The following FAM200B variants were observed in gnomAD, a reference collection of about 807,000 sequenced individuals.
The protein encoded by FAM200B is protein FAM200B.
A neutral mutation model predicts 33.1 loss-of-function variants in FAM200B; 32 were observed. The ratio of observed to expected loss-of-function variants is 0.97; its 90% CI spans 0.73 to 1.30. The LOEUF is 1.30. Ranked by LOEUF, FAM200B falls within the 50% of genes most tolerant of loss-of-function variation. FAM200B has a pLI of 0.00. For missense variants in FAM200B, 741 were observed against 754.0 expected, an observed-to-expected ratio of 0.98 and a Z score of 0.20; for synonymous variants, 240 against 264.8, an observed-to-expected ratio of 0.91 and a Z score of 0.91.
chr4:15,679,565 A>C (rs71601489), upstream of FAM200B, among the ~76,000 whole-genome samples: 51 of 115,016 alleles, frequency 4.4e-4, no homozygotes, highest in African/African-American at 9.1e-4. Context: ...TCAGGAACAA[A>C]AAAAAAAAAA....
At chr4:15,644,175 T>C in the FAM200B span, among the ~76,000 whole-genome samples, 2 of 152,246 alleles carry the variant, frequency 1.3e-5, no homozygotes, top group Admixed American at 6.5e-5. Context: ...AAGAATTTTA[T>C]AGTTAGTCTA....
At chr4:15,678,494 G>C (rs1013230320), upstream of FAM200B, among the ~76,000 whole-genome samples, 1 of 152,066 alleles carries the variant, frequency 6.6e-6, no homozygotes, top group African/African-American at 2.4e-5. Flanking sequence ...TCATGCAAAC[G>C]AAGAAAAGCT....
upstream of FAM200B, among the ~76,000 whole-genome samples, chr4:15,677,022 G>A (rs368223935): frequency 7.2e-4 from 109 of 152,212 alleles, no homozygotes; most frequent in South Asian, 0.014. Flanking sequence ...CTACAACTCC[G>A]TTTATATTAA....
the FAM200B span, among the ~76,000 whole-genome samples, chr4:15,667,896 C>T: frequency 6.6e-6 from 1 of 151,956 alleles, no homozygotes; most frequent in African/African-American, 2.4e-5. Flanking sequence ...ACAAAATTAG[C>T]CAGGCGTGGT....
the FAM200B span, among the ~76,000 whole-genome samples, chr4:15,670,914 CTTTTTTTTTTTTTTTTT>C: frequency 6.3e-4 from 34 of 54,144 alleles, no homozygotes; most frequent in Non-Finnish European, 8.5e-4. Flanking sequence ...TGTGCGTAGA[CTTTTTTTTTTTTTTTTT>C]TTTTTTTTTT....
In FAM200B at chr4:15,686,981, G is replaced by T; in HGVS notation, c.4G>T (p.Asp2Tyr). 7.3e-7 allele frequency: 1 copy of T among 1,366,748 alleles called. No individual in the cohort carries two copies. 84.7% of individuals were successfully genotyped at this position (1,366,748 alleles called of 1,614,324 possible). A position where few individuals can be genotyped will look rare whatever the true frequency, so the allele number is the denominator to read the frequency against. ...ACTGGAACAAATTGCTATTAAAATG[G>T]ATCATTTCTTTATTAAAAGAAAGAG... The part of the protein sequence containing the change: M[D>Y]HFFIKRKRNS... Residue 2 changes from aspartate to tyrosine, a missense_variant, in exon 2 of 2, where the codon GAT (aspartate) becomes TAT (tyrosine). Asp to Tyr is a radical substitution (Grantham distance 160, BLOSUM62 -3). Transcript: ENST00000422728.
chr4:15,665,821 C>T, the FAM200B span, among the ~76,000 whole-genome samples: 1 of 152,076 alleles, frequency 6.6e-6, no homozygotes, highest in Non-Finnish European at 1.5e-5. Flanking sequence ...TCAACTGAGA[C>T]AGATTTGGCT....
intron 1 of FAM200B, among the ~76,000 whole-genome samples, chr4:15,683,003 G>T (rs111623988): frequency 0.017 from 2,564 of 152,230 alleles, 74 homozygotes; most frequent in African/African-American, 0.058. Flanking sequence ...TGCTTTTCCA[G>T]TTATGAGGAA....
intron 1 of FAM200B, among the ~76,000 whole-genome samples, chr4:15,685,660 A>C (rs1359908860): frequency 6.6e-6 from 1 of 152,202 alleles, no homozygotes; most frequent in Non-Finnish European, 1.5e-5. Context: ...TTAACAATAC[A>C]AAAATAAGAA....
the FAM200B span, among the ~76,000 whole-genome samples, chr4:15,674,470 G>T: frequency 7.9e-5 from 12 of 151,970 alleles, no homozygotes; most frequent in Middle Eastern, 3.4e-3. Flanking sequence ...TTATTATATT[G>T]TATTTATTTG....
rs750332593 is a variant in FAM200B at position 15,687,032 on chromosome 4, G to C, written c.55G>C (p.Ala19Pro). The C allele has an allele frequency of 1.7e-5, 25 of 1,514,790 alleles. No individual in the cohort carries two copies. The African/African-American group carries it at 3.3e-4, about 20-fold the overall frequency. 93.8% of individuals were successfully genotyped at this position (1,514,790 alleles called of 1,614,324 possible). The change falls in exon 2 of 2, where the codon GCA becomes CCA. Residue 19 changes from alanine (A) to proline (P), a missense_variant. Coordinates refer to ENST00000422728, the MANE Select transcript of FAM200B (RefSeq NM_001145191.2). ...GAATAGTGAAGTGAAATATACAGAA[G>C]CATGTTCAAGTTCATCTGTTGAATC... ...KRNSEVKYTE[A>P]CSSSSVESGI...
At chr4:15,666,963 T>C in the FAM200B span, among the ~76,000 whole-genome samples, 5 of 152,148 alleles carry the variant, frequency 3.3e-5, no homozygotes, top group African/African-American at 1.2e-4. Context: ...AAACATCACA[T>C]TGTATCTCAT....
At chr4:15,661,591 A>T in the FAM200B span, among the ~76,000 whole-genome samples, 1 of 152,228 alleles carries the variant, frequency 6.6e-6, no homozygotes, top group Non-Finnish European at 1.5e-5. Context: ...GTTGTAAGTG[A>T]CAGAAAATAG....
Position 15,688,188 on chromosome 4 carries a change from A to G in FAM200B, c.1211A>G (p.Glu404Gly). The change falls in exon 2 of 2, where the codon GAG becomes GGG. Residue 404 changes from glutamate to glycine, a missense_variant. Coordinates refer to ENST00000422728, the MANE Select transcript of FAM200B (RefSeq NM_001145191.2). ...AGCAGGGTTTATGAGCTCAGGAATG[A>G]GATTCACTTTTTTCTCATTGAAAAA... The part of the protein sequence containing the change: ...ILSRVYELRN[E>G]IHFFLIEKKS... The G allele has an allele frequency of 6.4e-7, 1 of 1,551,130 alleles. No homozygotes were observed. The highest frequency in any genetic ancestry group is 8.7e-7 in the Non-Finnish European group (1 of 1,146,692).
Position 15,688,262 on chromosome 4 carries a change from T to A in FAM200B, c.1285T>A (p.Leu429Met). 1.3e-6 allele frequency: 2 copies of A among 1,548,964 alleles called. No homozygotes were observed. Among genetic ancestry groups the A allele is most frequent in the African/African-American group, 1.4e-5 (1 of 73,124 alleles). Reference sequence around the variant, plus strand: ...TGAAGATGATACTTGGGTAACAAAATTGGCATATTTAACTGATATTTTTAG... The same window carrying A: ...TGAAGATGATACTTGGGTAACAAAAATGGCATATTTAACTGATATTTTTAG... ...IFEDDTWVTK[L>M]AYLTDIFSIL... The change falls in exon 2 of 2, where the codon TTG (leucine) becomes ATG (methionine). Residue 429 changes from leucine to methionine, a missense_variant. By Grantham distance (15) the Leu-to-Met change is conservative (BLOSUM62 2). Coordinates refer to ENST00000422728, the MANE Select transcript of FAM200B (RefSeq NM_001145191.2).
chr4:15,664,100 GCTT>G, the FAM200B span, among the ~76,000 whole-genome samples: 1 of 152,174 alleles, frequency 6.6e-6, no homozygotes, highest in Non-Finnish European at 1.5e-5. Flanking sequence ...TGGCTTCAGA[GCTT>G]CTATCTTTTT....
At chr4:15,677,295 G>A (rs1718029820), upstream of FAM200B, among the ~76,000 whole-genome samples, 1 of 152,046 alleles carries the variant, frequency 6.6e-6, no homozygotes, top group African/African-American at 2.4e-5. Context: ...TTTGTCCTTG[G>A]TTCCTGGAAG....
chr4:15,679,563 A>AAC (rs201799158), upstream of FAM200B, among the ~76,000 whole-genome samples: 143 of 80,562 alleles, frequency 1.8e-3, no homozygotes, highest in Non-Finnish European at 1.1e-3. Context: ...GTTCAGGAAC[A>AAC]AAAAAAAAAA....
At chr4:15,680,964 T>C (rs138700602), upstream of FAM200B, among the ~76,000 whole-genome samples, 4 of 146,922 alleles carry the variant, frequency 2.7e-5, no homozygotes, top group South Asian at 2.1e-4. Context: ...GTTTCACATA[T>C]ATATATAAAT....
Sources: gnomAD v4.1 joint callset for allele counts (sites outside exome capture counted in the v4.1 genomes callset) on GRCh38, gnomAD v4.1.1 for gene constraint, MANE v1.5 for transcripts, NCBI Gene and HGNC (gene_info 2026-07-23, HGNC 2026-07-21) for gene names.